OR10A2: variants seen among roughly 807,000 people sequenced by gnomAD.
OR10A2 encodes the protein olfactory receptor 10A2.
Under a neutral mutation model 13.7 loss-of-function variants are expected in OR10A2, and 15 were observed. The ratio of observed to expected loss-of-function variants is 1.10; its 90% CI spans 0.73 to 1.69. OR10A2 has a LOEUF of 1.69. Ranked by LOEUF, OR10A2 falls within the 40% of genes most tolerant of loss-of-function variation. The pLI is 0.00. For missense variants in OR10A2, 343 were observed against 361.1 expected, an observed-to-expected ratio of 0.95 and a Z score of 0.41; for synonymous variants, 145 against 144.7, an observed-to-expected ratio of 1.00 and a Z score of -0.02.
chr11:6,873,918 A>G lies in OR10A2; in HGVS notation c.*3252A>G, dbSNP rs1205547438. The G allele has an allele frequency of 1.3e-5, 2 of 152,228 alleles. No homozygotes were observed. The highest frequency in any genetic ancestry group is 2.9e-5 in the Non-Finnish European group (2 of 68,046). The allele number at this position is 152,228 out of a possible 1,614,324, so 9.4% of individuals were successfully genotyped here. A position where few individuals can be genotyped will look rare whatever the true frequency, so the allele number is the denominator to read the frequency against. ...AAAGGCAGTGGTGGTAGAGCTGGAG[A>G]AGGTGACACTGAATTAGTGTTTAGG... On this transcript the variant is annotated 3_prime_UTR_variant, in exon 2 of 2. Coordinates refer to ENST00000641461, the MANE Select transcript of OR10A2 (RefSeq NM_001004460.2).
In OR10A2 at chr11:6,863,320, T is replaced by C. The variant is rs1478129679; in HGVS notation, c.-164T>C. On this transcript the variant is annotated 5_prime_UTR_variant, in exon 1 of 2. Transcript: ENST00000641461. ...CATGAAGCATGGATGTCAGCCAGAG[T>C]TGAACAAGGCAGATGTTCCTGTTGG... 1 of 122,720 alleles carries C rather than the reference T, an allele frequency of 8.1e-6. No individual in the cohort carries two copies. Among genetic ancestry groups the C allele is most frequent in the African/African-American group, 2.8e-5 (1 of 36,010 alleles). 7.6% of individuals were successfully genotyped at this position (122,720 alleles called of 1,614,324 possible).
In OR10A2 at chr11:6,873,738, G is replaced by A. The variant is rs184147221; in HGVS notation, c.*3072G>A. ...GGAGTAATTGAAAGACATTAAGCAG[G>A]TAAGTGACTTAACCAGAGTTGCTGG... is the stretch of plus-strand genomic sequence containing the variant. On this transcript the variant is annotated 3_prime_UTR_variant, in exon 2 of 2. Coordinates refer to ENST00000641461, the MANE Select transcript of OR10A2 (RefSeq NM_001004460.2). 2.3e-4 allele frequency: 34 copies of A among 150,040 alleles called. No individual in the cohort carries two copies. The highest frequency in any genetic ancestry group is 4.0e-4 in the Admixed American group (6 of 14,972). 9.3% of individuals were successfully genotyped at this position (150,040 alleles called of 1,614,324 possible).
chr11:6,866,929 C>T (rs574074200), intron 1 of OR10A2, among the ~76,000 whole-genome samples: 1 of 152,046 alleles, frequency 6.6e-6, no homozygotes, highest in East Asian at 1.9e-4. Flanking sequence ...ATTATTTCTA[C>T]CCCTCTCCAT....
intron 1 of OR10A2, among the ~76,000 whole-genome samples, chr11:6,866,233 A>G: frequency 6.6e-6 from 1 of 152,214 alleles, no homozygotes; most frequent in Non-Finnish European, 1.5e-5. Flanking sequence ...CTCAGGGATA[A>G]ATACCCAAAG....
chr11:6,870,247 T>A lies in OR10A2; in HGVS notation c.493T>A (p.Phe165Ile), dbSNP rs1848415890. 1.2e-6 allele frequency: 2 copies of A among 1,614,222 alleles called. No homozygotes were observed. Among genetic ancestry groups the A allele is most frequent in the Non-Finnish European group, 1.7e-6 (2 of 1,180,036 alleles). The change falls in exon 2 of 2, where the codon TTC becomes ATC. Residue 165 changes from phenylalanine to isoleucine, a missense_variant. Transcript: ENST00000641461. ...FCGTNKVNHF[F>I]CDSPPVLRLV... ...TGGCACCAACAAGGTGAACCACTTCTTCTGTGACAGCCCACCTGTGCTGAG... is the reference window on the plus strand; with the variant it reads ...TGGCACCAACAAGGTGAACCACTTCATCTGTGACAGCCCACCTGTGCTGAG...
At position 6,871,400 on chromosome 11, in the gene OR10A2, C is replaced by CAT. The variant is rs35219382; in HGVS notation, c.*735_*736insTA. On this transcript the variant is annotated 3_prime_UTR_variant, in exon 2 of 2. Transcript: ENST00000641461. The stretch of plus-strand genomic sequence containing the variant: ...GGCAGATCTGACTCTACATTCATGA[C>CAT]AGAAAATCTCATGATCTTTCCCAAC... 0.32 allele frequency: 49,332 copies of CAT among 152,006 alleles called. 8,509 individuals carry two copies. The highest frequency in any genetic ancestry group is 0.41 in the South Asian group (1,980 of 4,816). 9.4% of individuals were successfully genotyped at this position (152,006 alleles called of 1,614,324 possible). A position where few individuals can be genotyped will look rare whatever the true frequency, so the allele number is the denominator to read the frequency against.
intron 1 of OR10A2, among the ~76,000 whole-genome samples, chr11:6,867,703 G>C (rs59606237): frequency 0.013 from 2,019 of 152,002 alleles, 43 homozygotes; most frequent in African/African-American, 0.046. Context: ...TTATGGGCTG[G>C]CTTGCCTTGG....
At position 6,870,510 on chromosome 11, in the gene OR10A2, T is replaced by C; in HGVS notation, c.756T>C (p.Asn252=). 6.2e-7 allele frequency: 1 copy of C among 1,614,158 alleles called. No homozygotes were observed. The highest frequency in any genetic ancestry group is 8.5e-7 in the Non-Finnish European group (1 of 1,180,000). Reference sequence around the variant, plus strand: ...TCACCTACTTCCGGCCTAAATCAAATAATTCACCTGAGGGCAAGAAGCTGC... The same window carrying C: ...TCACCTACTTCCGGCCTAAATCAAACAATTCACCTGAGGGCAAGAAGCTGC... ...LSLTYFRPKS[N]NSPEGKKLLS... Residue 252 remains asparagine, a synonymous_variant, in exon 2 of 2, where the codon AAT becomes AAC. Coordinates refer to ENST00000641461, the MANE Select transcript of OR10A2 (RefSeq NM_001004460.2).
Position 6,870,932 on chromosome 11 carries a change from C to A in OR10A2, c.*266C>A. On this transcript the variant is annotated 3_prime_UTR_variant, in exon 2 of 2. Transcript: ENST00000641461. ...ACAGCACTTCTGTGGCCAACTATTT[C>A]CAGGTGTTATATTTCTTTTTTTTTT... 1 of 300,096 alleles carries A rather than the reference C, an allele frequency of 3.3e-6. No individual in the cohort carries two copies. The highest frequency in any genetic ancestry group is 2.2e-5 in the African/African-American group (1 of 45,874). The allele number at this position is 300,096 out of a possible 1,614,324, so 18.6% of individuals were successfully genotyped here.
Position 6,874,655 on chromosome 11 carries a change from T to C in OR10A2, c.*3989T>C, listed in dbSNP as rs1384546235. ...TTATCTGTGTCTCAGATTCCTTGAC[T>C]GTAAAATGGGTATAATACTATCTGT... On this transcript the variant is annotated 3_prime_UTR_variant, in exon 2 of 2. Coordinates refer to ENST00000641461, the MANE Select transcript of OR10A2 (RefSeq NM_001004460.2). 6.6e-6 allele frequency: 1 copy of C among 152,204 alleles called. No individual in the cohort carries two copies. The highest frequency in any genetic ancestry group is 1.5e-5 in the Non-Finnish European group (1 of 68,038). The allele number at this position is 152,204 out of a possible 1,614,324, so 9.4% of individuals were successfully genotyped here.
At position 6,869,628 on chromosome 11, in the gene OR10A2, AC is replaced by A; in HGVS notation, c.-126del. 1.2e-6 allele frequency: 1 copy of A among 863,586 alleles called. No individual in the cohort carries two copies. Among genetic ancestry groups the A allele is most frequent in the South Asian group, 1.6e-5 (1 of 62,928 alleles). 53.5% of individuals were successfully genotyped at this position (863,586 alleles called of 1,614,324 possible). A position where few individuals can be genotyped will look rare whatever the true frequency, so the allele number is the denominator to read the frequency against. On this transcript the variant is annotated 5_prime_UTR_variant, in exon 2 of 2. The change creates a premature stop within an existing upstream ORF in the 5' untranslated region. Transcript: ENST00000641461. ...CTTGCCTCTTTCCCTGACAGTAAGA[AC>A]GAGTCTGAAAAACAAATTGAGAATC...
At chr11:6,864,965 T>C (rs1330720377) in intron 1 of OR10A2, among the ~76,000 whole-genome samples, 1 of 146,796 alleles carries the variant, frequency 6.8e-6, no homozygotes, top group Non-Finnish European at 1.5e-5. Context: ...TTCTCATATA[T>C]AAATATATAT....
At position 6,873,112 on chromosome 11, in the gene OR10A2, A is replaced by G. The variant is rs1848452968; in HGVS notation, c.*2446A>G. On this transcript the variant is annotated 3_prime_UTR_variant, in exon 2 of 2. Transcript: ENST00000641461. ...AGACGTGGGCCACCATGCCAGGCCAAGTATTTCCCTTTTAATATGACGTAG... is the reference window on the plus strand; with the variant it reads ...AGACGTGGGCCACCATGCCAGGCCAGGTATTTCCCTTTTAATATGACGTAG... 1 of 152,220 alleles carries G rather than the reference A, an allele frequency of 6.6e-6. No individual in the cohort carries two copies. 9.4% of individuals were successfully genotyped at this position (152,220 alleles called of 1,614,324 possible).
At position 6,873,022 on chromosome 11, in the gene OR10A2, T is replaced by C. The variant is rs919068826; in HGVS notation, c.*2356T>C. 3.3e-5 allele frequency: 5 copies of C among 151,802 alleles called. No homozygotes were observed. Among genetic ancestry groups the C allele is most frequent in the African/African-American group, 1.2e-4 (5 of 41,302 alleles). 9.4% of individuals were successfully genotyped at this position (151,802 alleles called of 1,614,324 possible). ...GTATTTTTTAGTAGAGATGCAGTTT[T>C]ACCATGTTGGAGCTCCTGGCCTCAA... On this transcript the variant is annotated 3_prime_UTR_variant, in exon 2 of 2. Transcript: ENST00000641461.
Position 6,869,717 on chromosome 11 carries a change from CT to C in OR10A2, c.-37del, listed in dbSNP as rs754603521. The C allele has an allele frequency of 3.2e-5, 50 of 1,559,934 alleles. 1 individual carries two copies. In the South Asian group the frequency reaches 5.6e-4, roughly 17 times the overall value. The stretch of plus-strand genomic sequence containing the variant: ...TGGGGACTTCTGCCCACACTTATAG[CT>C]ACAGGAAACTGGACAAGAATAAGTG... On this transcript the variant is annotated 5_prime_UTR_variant, in exon 2 of 2. Coordinates refer to ENST00000641461, the MANE Select transcript of OR10A2 (RefSeq NM_001004460.2).
chr11:6,866,993 C>T (rs1418585921), intron 1 of OR10A2, among the ~76,000 whole-genome samples: 3 of 151,904 alleles, frequency 2.0e-5, no homozygotes, highest in Non-Finnish European at 4.4e-5. Context: ...TTGTATTTTA[C>T]TTCATTATTC....
intron 1 of OR10A2, among the ~76,000 whole-genome samples, chr11:6,866,987 A>G (rs2133068338): frequency 6.6e-6 from 1 of 151,864 alleles, no homozygotes; most frequent in Non-Finnish European, 1.5e-5. Context: ...TATTTCTTGT[A>G]TTTTACTTCA....
intron 1 of OR10A2, among the ~76,000 whole-genome samples, chr11:6,863,580 T>C (rs139038719): frequency 5.6e-4 from 85 of 152,204 alleles, no homozygotes; most frequent in African/African-American, 2.0e-3. Flanking sequence ...AAGACTGATA[T>C]TACCCAGGCT....
At chr11:6,866,406 C>T (rs1201764289) in intron 1 of OR10A2, among the ~76,000 whole-genome samples, 1 of 152,136 alleles carries the variant, frequency 6.6e-6, no homozygotes, top group Non-Finnish European at 1.5e-5. Flanking sequence ...CTTTCTTAAA[C>T]CTTTATGAGA....
Sources: allele counts gnomAD v4.1 joint callset (sites outside exome capture counted in the v4.1 genomes callset), GRCh38; gene constraint gnomAD v4.1.1; transcripts MANE v1.5; gene names NCBI Gene and HGNC (gene_info 2026-07-23, HGNC 2026-07-21).